The following SNX4 variants were observed in gnomAD, a reference collection of about 807,000 sequenced individuals.
SNX4 encodes the protein sorting nexin-4.
Under a neutral mutation model 70.8 loss-of-function variants are expected in SNX4, and 49 were observed. The ratio of observed to expected loss-of-function variants is 0.69; its 90% CI spans 0.55 to 0.88. The LOEUF is 0.88. Ranked by LOEUF, SNX4 falls within the 40% of genes least tolerant of loss-of-function variation. The pLI is 0.00. For synonymous variants in SNX4, 206 were observed against 183.8 expected (o/e 1.12, Z -0.98); for missense variants, 528 against 544.8 (o/e 0.97, Z 0.31).
At chr3:125,464,634 G>C (rs993356347) in intron 9 of SNX4, among the ~76,000 whole-genome samples, 1 of 137,650 alleles carries the variant, frequency 7.3e-6, no homozygotes, top group Non-Finnish European at 1.5e-5. Context: ...GCAGTGACAG[G>C]ATCATGACTC....
chr3:125,464,753 G>A (rs565705110), intron 9 of SNX4, among the ~76,000 whole-genome samples: 2 of 151,106 alleles, frequency 1.3e-5, no homozygotes, highest in South Asian at 4.2e-4. Context: ...TGTAGTTTTG[G>A]TTTTTTTGAG....
chr3:125,513,730 T>C (rs971074395), intron 1 of SNX4, among the ~76,000 whole-genome samples: 1 of 152,230 alleles, frequency 6.6e-6, no homozygotes, highest in African/African-American at 2.4e-5. Context: ...GAACCACCTA[T>C]TGAAATCACT....
chr3:125,446,785 T>C lies in SNX4; in HGVS notation c.*994A>G, dbSNP rs1243035807. On this transcript the variant is annotated 3_prime_UTR_variant, in exon 14 of 14. Coordinates refer to ENST00000251775, the MANE Select transcript of SNX4 (RefSeq NM_003794.4). ...TTTTTACATCATTAGAAATAACGAG[T>C]ACACATTTTAAGATTCTGCAAAGCT... 1 of 152,270 alleles carries C rather than the reference T, an allele frequency of 6.6e-6. No homozygotes were observed. Among genetic ancestry groups the C allele is most frequent in the African/African-American group, 2.4e-5 (1 of 41,296 alleles). The allele number at this position is 152,270 out of a possible 1,614,324, so 9.4% of individuals were successfully genotyped here. A position where few individuals can be genotyped will look rare whatever the true frequency, so the allele number is the denominator to read the frequency against.
chr3:125,473,586 T>G (rs994917262), intron 8 of SNX4, among the ~76,000 whole-genome samples: 2 of 152,174 alleles, frequency 1.3e-5, no homozygotes, highest in Non-Finnish European at 1.5e-5. Context: ...GGCTAATTTT[T>G]GTATTTTTAG....
At chr3:125,465,140 C>A (rs997258291) in intron 9 of SNX4, among the ~76,000 whole-genome samples, 1 of 152,074 alleles carries the variant, frequency 6.6e-6, no homozygotes, top group Non-Finnish European at 1.5e-5. Flanking sequence ...CGTTTGCCTG[C>A]CAAAGAGCCG....
At chr3:125,466,575 T>C (rs962187602) in intron 9 of SNX4, among the ~76,000 whole-genome samples, 3 of 152,150 alleles carry the variant, frequency 2.0e-5, no homozygotes, top group African/African-American at 7.2e-5. Context: ...AGGTTTAATA[T>C]CCAGAATCTA....
chr3:125,469,541 C>G (rs757080857), intron 8 of SNX4, 22 bp from the exon 9 acceptor site: 5 of 1,509,112 alleles, frequency 3.3e-6, no homozygotes, highest in Non-Finnish European at 4.6e-6. Context: ...AAGATAAAAC[C>G]AAAAGCAACA....
At chr3:125,510,289 G>A (rs1159359143) in intron 1 of SNX4, among the ~76,000 whole-genome samples, 4 of 150,984 alleles carry the variant, frequency 2.6e-5, no homozygotes, top group Admixed American at 2.0e-4. Context: ...CTGGAGTGCA[G>A]TGGTGCGATC....
Position 125,495,275 on chromosome 3 carries a change from T to TATATATATATATATACACACACAC in SNX4, c.597+2065_597+2066insGTGTGTGTGTATATATATATATAT. On this transcript the variant is annotated intron_variant, in intron 5 of 13. Coordinates refer to ENST00000251775, the MANE Select transcript of SNX4 (RefSeq NM_003794.4). ...TTATATATATATATATATATATATA[T>TATATATATATATATACACACACAC]ATACACATACACACACACACACGTA... 4.7e-3 allele frequency among the ~76,000 whole-genome samples: 388 copies of TATATATATATATATACACACACAC among 83,028 alleles called. 9 individuals are homozygous for TATATATATATATATACACACACAC. Among genetic ancestry groups the TATATATATATATATACACACACAC allele is most frequent in the African/African-American group, 0.013 (356 of 27,560 alleles). The allele number at this position is 83,028 out of a possible 152,430, so 54.5% of individuals were successfully genotyped here.
chr3:125,447,500 T>C lies in SNX4; in HGVS notation c.*279A>G, dbSNP rs148109601. On this transcript the variant is annotated 3_prime_UTR_variant, in exon 14 of 14. Transcript: ENST00000251775. Reference sequence around the variant, plus strand: ...TAACGAACATCTTGACATTCAGTCATTGGTTCAGAAGCGTGACAAACAATC... The same window carrying C: ...TAACGAACATCTTGACATTCAGTCACTGGTTCAGAAGCGTGACAAACAATC... 770 of 266,462 alleles carry C rather than the reference T, an allele frequency of 2.9e-3. 3 individuals carry two copies. The highest frequency in any genetic ancestry group is 4.3e-3 in the Non-Finnish European group (617 of 144,106). 16.5% of individuals were successfully genotyped at this position (266,462 alleles called of 1,614,324 possible).
intron 10 of SNX4, among the ~76,000 whole-genome samples, chr3:125,458,814 CAAAAAAAAAAAAAAAA>C (rs71148180): frequency 7.8e-5 from 5 of 64,496 alleles, no homozygotes; most frequent in African/African-American, 3.2e-4. Flanking sequence ...GACTCCGTCT[CAAAAAAAAAAAAAAAA>C]AAAAAAAAAA....
At chr3:125,491,016 GAAAAT>G (rs1027955058) in intron 5 of SNX4, among the ~76,000 whole-genome samples, 1 of 151,990 alleles carries the variant, frequency 6.6e-6, no homozygotes, top group African/African-American at 2.4e-5. Context: ...ACTTGGCTAA[GAAAAT>G]AAAAACAAAT....
At position 125,474,458 on chromosome 3, in the gene SNX4, T is replaced by C. The variant is rs1289750857; in HGVS notation, c.788+2237A>G. On this transcript the variant is annotated intron_variant, in intron 8 of 13. Coordinates refer to ENST00000251775, the MANE Select transcript of SNX4 (RefSeq NM_003794.4). The stretch of plus-strand genomic sequence containing the variant: ...TTAGCCTCCCAAGCAGCTAGGACTA[T>C]AGGCATGTGCCACCATGCCTAATTT... Among the ~76,000 whole-genome samples, 7 of 152,156 alleles carry C rather than the reference T, an allele frequency of 4.6e-5. No homozygotes were observed. The South Asian group carries it at 6.2e-4, about 14-fold the overall frequency.
Position 125,494,508 on chromosome 3 carries a change from T to C in SNX4, c.597+2833A>G, listed in dbSNP as rs1580000157. On this transcript the variant is annotated intron_variant, in intron 5 of 13. Coordinates refer to ENST00000251775, the MANE Select transcript of SNX4 (RefSeq NM_003794.4). ...GTGCTTAGCACATAGTAAGCATATATGATTATGGTAATACTCAGATAAGAA... is the reference window on the plus strand; with the variant it reads ...GTGCTTAGCACATAGTAAGCATATACGATTATGGTAATACTCAGATAAGAA... Among the ~76,000 whole-genome samples the C allele has an allele frequency of 2.6e-5, 4 of 152,240 alleles. No individual in the cohort carries two copies. The South Asian group carries it at 6.2e-4, about 24-fold the overall frequency.
At chr3:125,490,327 G>T (rs1332994111) in intron 5 of SNX4, among the ~76,000 whole-genome samples, 1 of 151,720 alleles carries the variant, frequency 6.6e-6, no homozygotes, top group Admixed American at 6.6e-5. Context: ...GAGGTCAGGA[G>T]ATCGAGACCA....
At chr3:125,449,971 G>A (rs1412142727) in intron 13 of SNX4, among the ~76,000 whole-genome samples, 1 of 152,194 alleles carries the variant, frequency 6.6e-6, no homozygotes, top group East Asian at 1.9e-4. Context: ...ACTACTGGGT[G>A]TGGTGGCTCA....
chr3:125,508,797 G>C (rs544639182), intron 1 of SNX4, among the ~76,000 whole-genome samples: 1 of 152,046 alleles, frequency 6.6e-6, no homozygotes, highest in African/African-American at 2.4e-5. Context: ...AAATGATGCT[G>C]GGAAAACTGA....
chr3:125,477,812 CAG>C (rs1394390683), intron 7 of SNX4, among the ~76,000 whole-genome samples: 5 of 152,126 alleles, frequency 3.3e-5, no homozygotes, highest in Non-Finnish European at 7.4e-5. Context: ...GTTTTGTAAA[CAG>C]AGTCTCACTG....
intron 8 of SNX4, among the ~76,000 whole-genome samples, chr3:125,474,722 C>A (rs901521099): frequency 6.6e-6 from 1 of 152,156 alleles, no homozygotes; most frequent in Non-Finnish European, 1.5e-5. Flanking sequence ...AAATAATTTT[C>A]TTTAAAGTTT....
Sources: gnomAD v4.1 joint callset for allele counts (sites outside exome capture counted in the v4.1 genomes callset) on GRCh38, gnomAD v4.1.1 for gene constraint, MANE v1.5 for transcripts, NCBI Gene and HGNC (gene_info 2026-07-23, HGNC 2026-07-21) for gene names.